The following TNRC18 variants were observed in gnomAD, a reference collection of about 807,000 sequenced individuals.
TNRC18 encodes the protein trinucleotide repeat-containing gene 18 protein.
In TNRC18, 69 loss-of-function variants were observed where a neutral mutation model predicts 226.7. The ratio of observed to expected loss-of-function variants is 0.30; its 90% CI spans 0.25 to 0.37. The LOEUF (loss-of-function observed/expected upper bound fraction) is 0.37. TNRC18 is among the 10% of genes least tolerant of loss of function. TNRC18 has a pLI of 1.00. For synonymous variants in TNRC18, 2,449 were observed against 1,927.6 expected, an observed-to-expected ratio of 1.27 and a Z score of -7.09; for missense variants, 4,754 against 4,256.6, an observed-to-expected ratio of 1.12 and a Z score of -3.25.
intron 2 of TNRC18, chr7:5,420,470 T>C (rs1333574379): frequency 2.2e-6 from 1 of 451,462 alleles, no homozygotes; most frequent in East Asian, 7.0e-5. Context: ...GGGCCGCCGT[T>C]CTCCCGGGGA....
Position 5,356,866 on chromosome 7 carries a change from G to T in TNRC18, c.5194+50C>A, listed in dbSNP as rs1308475184. ...GGAGGACGGTGGAGAGAAGAGGGGA[G>T]AAAAGGAGAGAAGCAGCGGACCAGA... is the stretch of plus-strand genomic sequence containing the variant. On this transcript the variant is annotated intron_variant, in intron 16 of 29. Coordinates refer to ENST00000430969, the MANE Select transcript of TNRC18 (RefSeq NM_001080495.3). 2.7e-6 allele frequency: 4 copies of T among 1,478,562 alleles called. No individual in the cohort carries two copies. In the Middle Eastern group the frequency reaches 6.4e-4, roughly 237 times the overall value. 91.6% of individuals were successfully genotyped at this position (1,478,562 alleles called of 1,614,324 possible).
rs1460546795 is a variant in TNRC18 at position 5,333,066 on chromosome 7, G to A, written c.5720-17C>T. 23 of 1,561,400 alleles carry A rather than the reference G, an allele frequency of 1.5e-5. No individual in the cohort carries two copies. Among genetic ancestry groups the A allele is most frequent in the Non-Finnish European group, 1.9e-5 (22 of 1,161,330 alleles). On this transcript the variant is annotated splice_polypyrimidine_tract_variant and intron_variant, in intron 18 of 29. Coordinates refer to ENST00000430969, the MANE Select transcript of TNRC18 (RefSeq NM_001080495.3). Reference sequence around the variant, plus strand: ...ACTCTGTGCCTGAACGCGGGAGGAGGGCGTGCTGGTCACAGCCTCGTGGGG... The same window carrying A: ...ACTCTGTGCCTGAACGCGGGAGGAGAGCGTGCTGGTCACAGCCTCGTGGGG...
chr7:5,323,785 C>T (rs1259471084), intron 21 of TNRC18, among the ~76,000 whole-genome samples: 1 of 152,112 alleles, frequency 6.6e-6, no homozygotes, highest in African/African-American at 2.4e-5. Flanking sequence ...CCAGGCTGGT[C>T]TGGAACTCCT....
rs1787273148 is a variant in TNRC18 at position 5,312,041 on chromosome 7, C to G, written c.8388+462G>C. On this transcript the variant is annotated intron_variant, in intron 27 of 29. Coordinates refer to ENST00000430969, the MANE Select transcript of TNRC18 (RefSeq NM_001080495.3). This position sits in a 1 kb window ranked among gnomAD's most constrained non-coding sequence, Gnocchi z 6.3. ...ATCCCAGCTACTTGGGAGGCTGACG[C>G]AGGAGAATTGCTTGAACCCGGGAGG... 6.6e-6 allele frequency among the ~76,000 whole-genome samples: 1 copy of G among 152,154 alleles called. No individual in the cohort carries two copies. Among genetic ancestry groups the G allele is most frequent in the Non-Finnish European group, 1.5e-5 (1 of 68,032 alleles).
At chr7:5,400,916 G>A (rs1167262841) in intron 2 of TNRC18, among the ~76,000 whole-genome samples, 1 of 152,116 alleles carries the variant, frequency 6.6e-6, no homozygotes, top group Non-Finnish European at 1.5e-5. Flanking sequence ...GGTGGTGCAC[G>A]CCTGTAACCC....
At chr7:5,385,163 C>T (rs1249911777) in intron 5 of TNRC18, among the ~76,000 whole-genome samples, 3 of 152,180 alleles carry the variant, frequency 2.0e-5, no homozygotes, top group African/African-American at 4.8e-5. Flanking sequence ...TACCCAGGAC[C>T]GGCTGGGGCA....
intron 8 of TNRC18, 132 bp downstream of exon 8, chr7:5,376,715 G>A: frequency 1.8e-6 from 2 of 1,103,200 alleles, no homozygotes; most frequent in Non-Finnish European, 2.6e-6. Flanking sequence ...TGTTCTCTCT[G>A]AACCCCGGTC....
At chr7:5,337,347 GA>G (rs956583598) in intron 18 of TNRC18, among the ~76,000 whole-genome samples, 44 of 152,234 alleles carry the variant, frequency 2.9e-4, no homozygotes, top group African/African-American at 1.0e-3. Context: ...GGCCGGGCAT[GA>G]TGGCTCACAC....
rs1789711676 is a variant in TNRC18 at position 5,333,019 on chromosome 7, C to T, written c.5750G>A (p.Ser1917Asn). ...GTEFEYTDSE[S>N]EVKVRKRSPA... ...CGACCGCTTGCGCACCTTGACCTCG[C>T]TCTCTGAGTCGGTGTACTCGAACTC... is the stretch of plus-strand genomic sequence containing the variant. The change falls in exon 19 of 30, where the codon AGC (serine) becomes AAC (asparagine). Residue 1917 changes from serine to asparagine, a missense_variant. Physicochemically the swap from Ser to Asn is conservative, Grantham distance 46. Coordinates refer to ENST00000430969, the MANE Select transcript of TNRC18 (RefSeq NM_001080495.3). 3 of 1,579,318 alleles carry T rather than the reference C, an allele frequency of 1.9e-6. No homozygotes were observed. Among genetic ancestry groups the T allele is most frequent in the Non-Finnish European group, 2.6e-6 (3 of 1,170,932 alleles).
At position 5,394,737 on chromosome 7, in the gene TNRC18, G is replaced by T; in HGVS notation, c.188-142C>A. On this transcript the variant is annotated intron_variant, in intron 2 of 29. Coordinates refer to ENST00000430969, the MANE Select transcript of TNRC18 (RefSeq NM_001080495.3). The surrounding 1 kb of genome is among the most constrained non-coding windows in gnomAD (Gnocchi z 4.5). ...TGATGCTGGCCAGGAGACCAAAGAG[G>T]GTTCCCCTGCTCCGGCCCCACCCCT... 1.5e-6 allele frequency: 1 copy of T among 669,288 alleles called. No homozygotes were observed. Among genetic ancestry groups the T allele is most frequent in the Admixed American group, 3.1e-5 (1 of 32,574 alleles). 41.5% of individuals were successfully genotyped at this position (669,288 alleles called of 1,614,324 possible). A position where few individuals can be genotyped will look rare whatever the true frequency, so the allele number is the denominator to read the frequency against.
chr7:5,359,378 T>C lies in TNRC18; in HGVS notation c.4833+20A>G. The C allele has an allele frequency of 6.2e-7, 1 of 1,613,742 alleles. No homozygotes were observed. The highest frequency in any genetic ancestry group is 2.2e-5 in the East Asian group (1 of 44,876). ...ACCTCCCTGAAAGATCTCACACACC[T>C]GGAAGACTGGGTTACTCACCTGACT... On this transcript the variant is annotated intron_variant, in intron 15 of 29. Transcript: ENST00000430969.
Position 5,377,634 on chromosome 7 carries a change from A to G in TNRC18, c.2256-58T>C. ...TCGGACAGCCCAGGGGACGAGAGGGAGAAGCGGGGTTGCCCCAAGGAACTG... is the reference window on the plus strand; with the variant it reads ...TCGGACAGCCCAGGGGACGAGAGGGGGAAGCGGGGTTGCCCCAAGGAACTG... On this transcript the variant is annotated intron_variant, in intron 6 of 29. Transcript: ENST00000430969. The surrounding 1 kb of genome is among the most constrained non-coding windows in gnomAD (Gnocchi z 5.8). The G allele has an allele frequency of 6.6e-7, 1 of 1,507,376 alleles. No individual in the cohort carries two copies. The highest frequency in any genetic ancestry group is 2.5e-5 in the East Asian group (1 of 40,308). 93.4% of individuals were successfully genotyped at this position (1,507,376 alleles called of 1,614,324 possible).
chr7:5,335,847 A>AT (rs1360427063), intron 18 of TNRC18, among the ~76,000 whole-genome samples: 25 of 31,750 alleles, frequency 7.9e-4, no homozygotes, highest in African/African-American at 1.6e-3. Context: ...AAAAAAAAAA[A>AT]AAAAAAAAAA....
At chr7:5,311,353 A>G (rs1248963810) in intron 27 of TNRC18, among the ~76,000 whole-genome samples, 1 of 152,232 alleles carries the variant, frequency 6.6e-6, no homozygotes. Context: ...GCCAGCCAGG[A>G]CTTTGTCTTC....
chr7:5,353,969 GAGGC>G lies in TNRC18; in HGVS notation c.5195-1879_5195-1876del, dbSNP rs1467454226. Among the ~76,000 whole-genome samples the G allele has an allele frequency of 2.0e-5, 3 of 152,178 alleles. No individual in the cohort carries two copies. In the East Asian group the frequency reaches 5.8e-4, roughly 29 times the overall value. ...TCTAATCCCAGCACTTTGGGAGGCC[GAGGC>G]AGGCGGATCACCTGAGGTCAGGAGC... On this transcript the variant is annotated intron_variant, in intron 16 of 29. Coordinates refer to ENST00000430969, the MANE Select transcript of TNRC18 (RefSeq NM_001080495.3).
rs1411903382 is a variant in TNRC18, at chr7:5,359,395, C to T, written c.4833+3G>A. 1 of 1,613,958 alleles carries T rather than the reference C, an allele frequency of 6.2e-7. No homozygotes were observed. The highest frequency in any genetic ancestry group is 1.1e-5 in the South Asian group (1 of 91,076). On this transcript the variant is annotated splice_donor_region_variant and intron_variant, in intron 15 of 29. Transcript: ENST00000430969. ...CACACACCTGGAAGACTGGGTTACT[C>T]ACCTGACTGATGAAGTCCGACGAGG...
chr7:5,377,368 C>T lies in TNRC18; in HGVS notation c.2461+3G>A, dbSNP rs375691783. On this transcript the variant is annotated splice_donor_region_variant and intron_variant, in intron 7 of 29. Coordinates refer to ENST00000430969, the MANE Select transcript of TNRC18 (RefSeq NM_001080495.3). This position sits in a 1 kb window ranked among gnomAD's most constrained non-coding sequence, Gnocchi z 5.8. ...GGGGAGAGACCCTGTGCCCCACACTCACCGTAGGGGTGTCCAGCGAGCCAC... is the reference window on the plus strand; with the variant it reads ...GGGGAGAGACCCTGTGCCCCACACTTACCGTAGGGGTGTCCAGCGAGCCAC... 4 of 1,462,710 alleles carry T rather than the reference C, an allele frequency of 2.7e-6. No homozygotes were observed. Among genetic ancestry groups the T allele is most frequent in the Non-Finnish European group, 2.8e-6 (3 of 1,087,804 alleles). The allele number at this position is 1,462,710 out of a possible 1,614,324, so 90.6% of individuals were successfully genotyped here.
intron 2 of TNRC18, among the ~76,000 whole-genome samples, chr7:5,404,009 G>C (rs1259330068): frequency 3.9e-5 from 6 of 152,202 alleles, no homozygotes; most frequent in Non-Finnish European, 7.3e-5. Flanking sequence ...GATCCAGAGA[G>C]TTCTGTAATA....
At chr7:5,419,984 T>A (rs1055313188) in intron 2 of TNRC18, 1 of 149,092 alleles carries the variant, frequency 6.7e-6, no homozygotes, top group Non-Finnish European at 1.5e-5. Flanking sequence ...GGAGGTGGAT[T>A]TTTTTTTTTT....
Sources: allele counts gnomAD v4.1 joint callset (sites outside exome capture counted in the v4.1 genomes callset), GRCh38; gene constraint gnomAD v4.1.1; non-coding constraint Gnocchi (gnomAD v3.1); transcripts MANE v1.5; gene names NCBI Gene and HGNC (gene_info 2026-07-23, HGNC 2026-07-21).